Variants in SPATS2 observed in about 807,000 individuals in gnomAD.
The protein encoded by SPATS2 is spermatogenesis-associated serine-rich protein 2.
Under a neutral mutation model 63.7 loss-of-function variants are expected in SPATS2, and 38 were observed. The observed-to-expected ratio is 0.60, with a 90% CI of 0.46 to 0.78. The LOEUF (loss-of-function observed/expected upper bound fraction) is 0.78, where lower values mean the gene tolerates loss of function less well. Ranked by LOEUF, SPATS2 falls within the 30% of genes least tolerant of loss-of-function variation. The probability of loss-of-function intolerance (pLI) is 0.00; values close to 1 mark genes in which losing one functional copy is unlikely to be tolerated. For synonymous variants in SPATS2, 207 were observed against 232.9 expected (o/e 0.89, Z 1.01); for missense variants, 588 against 666.2 (o/e 0.88, Z 1.29).
intron 2 of SPATS2, among the ~76,000 whole-genome samples, chr12:49,433,224 G>A (rs775680951): frequency 1.3e-5 from 2 of 152,130 alleles, no homozygotes; most frequent in Admixed American, 6.5e-5. Flanking sequence ...GTGCAGTTGC[G>A]TGATCTCAGC....
At chr12:49,509,176 T>G (rs761418551) in intron 9 of SPATS2, among the ~76,000 whole-genome samples, 3 of 151,802 alleles carry the variant, frequency 2.0e-5, no homozygotes, top group Non-Finnish European at 4.4e-5. Flanking sequence ...GATTAGCTTA[T>G]AACTGAGGTG....
chr12:49,423,946 T>C (rs1945027971), intron 2 of SPATS2, among the ~76,000 whole-genome samples: 1 of 152,224 alleles, frequency 6.6e-6, no homozygotes, highest in Non-Finnish European at 1.5e-5. Flanking sequence ...CTCACTCCTG[T>C]AATCTCAGCA....
At chr12:49,482,864 T>C (rs965203768) in intron 3 of SPATS2, among the ~76,000 whole-genome samples, 5 of 151,912 alleles carry the variant, frequency 3.3e-5, no homozygotes, top group African/African-American at 1.2e-4. Flanking sequence ...TCACGACTCA[T>C]TGCAGCCTCA....
At chr12:49,405,006 A>G (rs1247007752) in intron 2 of SPATS2, among the ~76,000 whole-genome samples, 1 of 147,564 alleles carries the variant, frequency 6.8e-6, no homozygotes, top group Non-Finnish European at 1.5e-5. Context: ...TGTATTGTCT[A>G]TGGCTGCTTT....
At chr12:49,392,251 T>C (rs1944430667) in intron 2 of SPATS2, among the ~76,000 whole-genome samples, 1 of 152,096 alleles carries the variant, frequency 6.6e-6, no homozygotes, top group Admixed American at 6.6e-5. Context: ...TTTTTTTTGG[T>C]TGTTGTTAAA....
chr12:49,401,408 TA>T (rs1403209057), intron 2 of SPATS2, among the ~76,000 whole-genome samples: 8 of 152,216 alleles, frequency 5.3e-5, no homozygotes, highest in African/African-American at 1.9e-4. Flanking sequence ...AGGAAAATTT[TA>T]AACATACAAA....
chr12:49,512,177 A>G (rs1009596633), intron 9 of SPATS2, among the ~76,000 whole-genome samples: 4 of 152,238 alleles, frequency 2.6e-5, no homozygotes, highest in African/African-American at 9.6e-5. Flanking sequence ...ATGGAGAATT[A>G]TAAGTGCTGA....
At chr12:49,519,368 C>T (rs1314042214) in intron 11 of SPATS2, among the ~76,000 whole-genome samples, 186 bp downstream of exon 11, 2 of 152,122 alleles carry the variant, frequency 1.3e-5, no homozygotes, top group Non-Finnish European at 2.9e-5. Context: ...AGCTGGAAAC[C>T]TTAGGAAATT....
At chr12:49,384,264 T>A (rs1944272842) in intron 2 of SPATS2, among the ~76,000 whole-genome samples, 1 of 152,254 alleles carries the variant, frequency 6.6e-6, no homozygotes, top group Non-Finnish European at 1.5e-5. Context: ...TGTGCCTGGC[T>A]ACATTCTGGA....
At chr12:49,489,063 T>C (rs1444766208) in intron 4 of SPATS2, among the ~76,000 whole-genome samples, 1 of 152,216 alleles carries the variant, frequency 6.6e-6, no homozygotes, top group Non-Finnish European at 1.5e-5. Flanking sequence ...AGGTAAAATA[T>C]GTTTCAAAAA....
chr12:49,423,402 G>C (rs1317507569), intron 2 of SPATS2, among the ~76,000 whole-genome samples: 1 of 152,102 alleles, frequency 6.6e-6, no homozygotes, highest in African/African-American at 2.4e-5. Context: ...ACAGTGCTAG[G>C]ATTACGGGCG....
chr12:49,485,577 A>G (rs905074663), intron 4 of SPATS2, among the ~76,000 whole-genome samples: 40 of 151,648 alleles, frequency 2.6e-4, no homozygotes, highest in African/African-American at 9.7e-4. Flanking sequence ...GGCCAGGGTG[A>G]TCGCAAACTC....
chr12:49,402,865 A>G (rs1944630001), intron 2 of SPATS2, among the ~76,000 whole-genome samples: 1 of 152,208 alleles, frequency 6.6e-6, no homozygotes, highest in Non-Finnish European at 1.5e-5. Flanking sequence ...AGAGTGTGAG[A>G]GAGAAAACAC....
intron 2 of SPATS2, among the ~76,000 whole-genome samples, chr12:49,408,552 C>CAAGAGATGATAGTA (rs1944737968): frequency 8.6e-6 from 1 of 116,066 alleles, no homozygotes; most frequent in Admixed American, 9.1e-5. Context: ...TGTGCCTGGC[C>CAAGAGATGATAGTA]TTTTTTTTTT....
chr12:49,371,070 G>A (rs930742943), intron 1 of SPATS2, among the ~76,000 whole-genome samples, 158 bp from the exon 2 acceptor site: 4 of 152,142 alleles, frequency 2.6e-5, no homozygotes, highest in South Asian at 2.1e-4. Flanking sequence ...AAAATTTAGC[G>A]TTTTAACCAT....
chr12:49,444,866 A>C (rs995601470), intron 2 of SPATS2, among the ~76,000 whole-genome samples: 13 of 152,166 alleles, frequency 8.5e-5, no homozygotes, highest in Admixed American at 8.5e-4. Flanking sequence ...AGCCTCCCAA[A>C]GTGCAGGGAT....
rs144812700 is a variant in SPATS2 at position 49,458,020 on chromosome 12, G to A, written c.-243-2750G>A. ...TGATGGAATATTTTTTAAAACTTTC[G>A]CAGAATTACCTACTTGACTCTTCAG... On this transcript the variant is annotated intron_variant, in intron 2 of 13. Transcript: ENST00000552918. Among the ~76,000 whole-genome samples, 147 of 152,156 alleles carry A rather than the reference G, an allele frequency of 9.7e-4. 1 individual carries two copies. In the East Asian group the frequency reaches 0.011, roughly 12 times the overall value.
chr12:49,470,593 A>G (rs944326835), intron 3 of SPATS2, among the ~76,000 whole-genome samples: 1 of 152,216 alleles, frequency 6.6e-6, no homozygotes, highest in Non-Finnish European at 1.5e-5. Flanking sequence ...ACCAGCTGGT[A>G]AATCAACTGC....
rs563903039 is a variant in SPATS2, at chr12:49,515,292, A to G, written c.898+679A>G. On this transcript the variant is annotated intron_variant, in intron 10 of 13. Transcript: ENST00000552918. ...CGAAGACAAGGGAATACCAACTGCA[A>G]CTTGTACAATGGCATTGATTTGAGG... is the stretch of plus-strand genomic sequence containing the variant. Among the ~76,000 whole-genome samples the G allele has an allele frequency of 7.2e-5, 11 of 152,344 alleles. No individual in the cohort carries two copies. In the South Asian group the frequency reaches 2.1e-3, roughly 29 times the overall value.
Sources: gnomAD v4.1 joint callset for allele counts (sites outside exome capture counted in the v4.1 genomes callset) on GRCh38, gnomAD v4.1.1 for gene constraint, MANE v1.5 for transcripts, NCBI Gene and HGNC (gene_info 2026-07-23, HGNC 2026-07-21) for gene names.